CHMP4B: variants seen among roughly 807,000 people sequenced by gnomAD.
CHMP4B encodes the protein charged multivesicular body protein 4B.
In CHMP4B, 1 loss-of-function variant was observed where a neutral mutation model predicts 25.1. That is an observed-to-expected ratio of 0.04 (90% CI 0.01 to 0.19). CHMP4B has a LOEUF of 0.19. CHMP4B is among the 10% of genes least tolerant of loss of function. The probability of loss-of-function intolerance (pLI) is 1.00; values close to 1 mark genes in which losing one functional copy is unlikely to be tolerated. For synonymous variants in CHMP4B, 101 were observed against 115.6 expected (o/e 0.87, Z 0.81); for missense variants, 151 against 289.7 (o/e 0.52, Z 3.48).
At chr20:33,831,764 G>A (rs919762728) in intron 1 of CHMP4B, among the ~76,000 whole-genome samples, 2 of 151,960 alleles carry the variant, frequency 1.3e-5, no homozygotes, top group African/African-American at 4.9e-5. Context: ...CACATATACA[G>A]TTGTAATCGA....
intron 4 of CHMP4B, among the ~76,000 whole-genome samples, chr20:33,852,486 G>A (rs1427000529): frequency 7.1e-6 from 1 of 141,504 alleles, no homozygotes; most frequent in Admixed American, 7.0e-5. Context: ...GAGGGTGGGG[G>A]CGGGGTTGTC....
chr20:33,830,758 C>T (rs1286016106), intron 1 of CHMP4B, among the ~76,000 whole-genome samples: 1 of 152,048 alleles, frequency 6.6e-6, no homozygotes, highest in Non-Finnish European at 1.5e-5. Context: ...TGGGGGGATA[C>T]AGGTCAGTCC....
chr20:33,853,400 T>C, intron 4 of CHMP4B, 96 bp from the exon 5 acceptor site: 1 of 1,163,176 alleles, frequency 8.6e-7, no homozygotes, highest in Non-Finnish European at 1.3e-6. Context: ...GCAGGGCTGT[T>C]TGACAGACAC....
At position 33,847,432 on chromosome 20, in the gene CHMP4B, C is replaced by G. The variant is rs543197997; in HGVS notation, c.191-1035C>G. 5.3e-5 allele frequency among the ~76,000 whole-genome samples: 8 copies of G among 152,054 alleles called. No homozygotes were observed. The East Asian group carries it at 1.5e-3, about 29-fold the overall frequency. On this transcript the variant is annotated intron_variant, in intron 1 of 4. Transcript: ENST00000217402. ...ATTTTGGGGTGGTGTGTCCTGTGCC[C>G]CAACATCATCTAAGATGTGTGCTAA...
At chr20:33,819,003 G>A (rs1490705851) in intron 1 of CHMP4B, among the ~76,000 whole-genome samples, 1 of 151,870 alleles carries the variant, frequency 6.6e-6, no homozygotes, top group African/African-American at 2.4e-5. Flanking sequence ...TCTGCCTCCC[G>A]GGTTCAAGTG....
At chr20:33,827,864 A>G (rs1013098843) in intron 1 of CHMP4B, among the ~76,000 whole-genome samples, 9 of 152,222 alleles carry the variant, frequency 5.9e-5, no homozygotes, top group African/African-American at 2.2e-4. Flanking sequence ...GAGGATCATG[A>G]AGAAAGGAAC....
intron 1 of CHMP4B, among the ~76,000 whole-genome samples, chr20:33,830,143 G>A (rs1161345759): frequency 6.6e-6 from 1 of 152,226 alleles, no homozygotes; most frequent in African/African-American, 2.4e-5. Context: ...AAGGAAGCTT[G>A]GCTGGGAGAG....
chr20:33,848,963 G>A (rs1979763768), intron 2 of CHMP4B, among the ~76,000 whole-genome samples: 1 of 152,224 alleles, frequency 6.6e-6, no homozygotes, highest in African/African-American at 2.4e-5. Flanking sequence ...AGAGAGGGAA[G>A]CGGATTTGCC....
chr20:33,822,458 C>G (rs1416930397), intron 1 of CHMP4B, among the ~76,000 whole-genome samples: 1 of 152,100 alleles, frequency 6.6e-6, no homozygotes, highest in Non-Finnish European at 1.5e-5. Flanking sequence ...TGTCTTAATT[C>G]TCTATCAGGT....
chr20:33,829,564 TTGAG>T (rs1230814931), intron 1 of CHMP4B, among the ~76,000 whole-genome samples: 4 of 152,252 alleles, frequency 2.6e-5, no homozygotes, highest in African/African-American at 7.2e-5. Flanking sequence ...CCCTCTTTGG[TTGAG>T]TAATTAAAAA....
rs1266734800 is a variant in CHMP4B, at chr20:33,811,378, G to C, written c.-91G>C. 2.7e-6 allele frequency: 3 copies of C among 1,127,514 alleles called. No homozygotes were observed. Among genetic ancestry groups the C allele is most frequent in the Admixed American group, 4.4e-5 (1 of 22,664 alleles). 69.8% of individuals were successfully genotyped at this position (1,127,514 alleles called of 1,614,324 possible). ...GGCCTGCGGCGGCAGGGAGCGGCGG[G>C]ACTGGGAGCGGGCGCCGGAGCCGAC... On this transcript the variant is annotated 5_prime_UTR_variant, in exon 1 of 5. Transcript: ENST00000217402.
chr20:33,848,441 G>C (rs372664891), intron 1 of CHMP4B, 26 bp from the exon 2 acceptor site: 27 of 1,613,100 alleles, frequency 1.7e-5, no homozygotes, highest in Non-Finnish European at 1.9e-5. Flanking sequence ...GGGACTCTCT[G>C]AAACCCTGTT....
At chr20:33,849,222 G>A (rs532484231) in intron 2 of CHMP4B, among the ~76,000 whole-genome samples, 6 of 152,318 alleles carry the variant, frequency 3.9e-5, no homozygotes, top group African/African-American at 1.4e-4. Context: ...AGTGGCCTAA[G>A]AAACTAGATA....
intron 1 of CHMP4B, among the ~76,000 whole-genome samples, chr20:33,839,807 C>G (rs1318023909): frequency 6.6e-6 from 1 of 152,198 alleles, no homozygotes; most frequent in East Asian, 1.9e-4. Flanking sequence ...TGGCTTTGAT[C>G]CCAGGCCTGC....
intron 1 of CHMP4B, among the ~76,000 whole-genome samples, chr20:33,830,411 A>G (rs1171679814): frequency 2.6e-5 from 4 of 152,320 alleles, no homozygotes; most frequent in East Asian, 1.9e-4. Context: ...ACAAAATACC[A>G]TAGACTGGGT....
chr20:33,840,418 A>AAGAT lies in CHMP4B; in HGVS notation c.191-8049_191-8048insAGAT, dbSNP rs568286804. 7.6e-3 allele frequency among the ~76,000 whole-genome samples: 1,161 copies of AAGAT among 152,274 alleles called. 12 individuals carry two copies. The highest frequency in any genetic ancestry group is 0.027 in the African/African-American group (1,107 of 41,534). On this transcript the variant is annotated intron_variant, in intron 1 of 4. Coordinates refer to ENST00000217402, the MANE Select transcript of CHMP4B (RefSeq NM_176812.5). The stretch of plus-strand genomic sequence containing the variant: ...GTGATTATCTTTCTCGTCTGTCCTT[A>AAGAT]GGGTAGTGGTTTCACCCCCATCTTG...
chr20:33,829,713 A>C (rs891610542), intron 1 of CHMP4B, among the ~76,000 whole-genome samples: 2 of 152,206 alleles, frequency 1.3e-5, no homozygotes, highest in Non-Finnish European at 2.9e-5. Flanking sequence ...GGAAAGGAGG[A>C]GGCTGTATCC....
intron 1 of CHMP4B, among the ~76,000 whole-genome samples, chr20:33,840,720 C>A (rs1979517248): frequency 6.6e-6 from 1 of 151,930 alleles, no homozygotes; most frequent in East Asian, 1.9e-4. Flanking sequence ...TTTTGGTGAG[C>A]CAGTTAGGTG....
In CHMP4B at chr20:33,811,368, G is replaced by A. The variant is rs1468800792; in HGVS notation, c.-101G>A. 3.9e-6 allele frequency: 4 copies of A among 1,026,584 alleles called. No homozygotes were observed. Among genetic ancestry groups the A allele is most frequent in the Non-Finnish European group, 5.0e-6 (4 of 801,438 alleles). 63.6% of individuals were successfully genotyped at this position (1,026,584 alleles called of 1,614,324 possible). On this transcript the variant is annotated 5_prime_UTR_variant, in exon 1 of 5. Coordinates refer to ENST00000217402, the MANE Select transcript of CHMP4B (RefSeq NM_176812.5). ...GCGGAGGAGAGGCCTGCGGCGGCAG[G>A]GAGCGGCGGGACTGGGAGCGGGCGC...
Sources: gnomAD v4.1 joint callset for allele counts (sites outside exome capture counted in the v4.1 genomes callset) on GRCh38, gnomAD v4.1.1 for gene constraint, MANE v1.5 for transcripts, NCBI Gene and HGNC (gene_info 2026-07-23, HGNC 2026-07-21) for gene names.